The following MYO18B variants were observed in gnomAD, a reference collection of about 807,000 sequenced individuals.
MYO18B encodes the protein myosin XVIIIB.
In MYO18B, 204 loss-of-function variants were observed where a neutral mutation model predicts 273.0. The observed-to-expected ratio is 0.75, with a 90% confidence interval of 0.67 to 0.84. The LOEUF is 0.84. MYO18B is among the 40% of genes least tolerant of loss of function. The pLI is 0.00. For missense variants in MYO18B, 3,212 were observed against 3,287.6 expected (o/e 0.98, Z 0.56); for synonymous variants, 1,330 against 1,305.7 (o/e 1.02, Z -0.40).
At chr22:26,000,837 C>T (rs555112621) in intron 40 of MYO18B, among the ~76,000 whole-genome samples, 49 of 152,228 alleles carry the variant, frequency 3.2e-4, no homozygotes, top group African/African-American at 1.1e-3. Flanking sequence ...ACAAACAGAC[C>T]AGCTGGTGGG....
chr22:25,792,136 C>T (rs2087688939), intron 11 of MYO18B, among the ~76,000 whole-genome samples: 1 of 152,190 alleles, frequency 6.6e-6, no homozygotes, highest in African/African-American at 2.4e-5. Flanking sequence ...TTGGATGACA[C>T]CAAGGATTGG....
chr22:25,913,569 C>T (rs1049716092), intron 33 of MYO18B, among the ~76,000 whole-genome samples: 7 of 152,148 alleles, frequency 4.6e-5, no homozygotes, highest in Non-Finnish European at 8.8e-5. Flanking sequence ...ACAGTTTCAC[C>T]GTGTTAGCCA....
Position 25,792,498 on chromosome 22 carries a change from T to TTTTTC in MYO18B, c.2377-5451_2377-5450insCTTTT, listed in dbSNP as rs1555893173. ...TGATGTTTCTTTTTTTTTTCTTTTC[T>TTTTTC]TTTTTTTTTTTTTTTGAGACAGAGT... On this transcript the variant is annotated intron_variant, in intron 11 of 43. Coordinates refer to ENST00000335473, the MANE Select transcript of MYO18B (RefSeq NM_032608.7). Among the ~76,000 whole-genome samples, 73 of 17,626 alleles carry TTTTTC rather than the reference T, an allele frequency of 4.1e-3. 1 individual carries two copies. Among genetic ancestry groups the TTTTTC allele is most frequent in the African/African-American group, 7.3e-3 (66 of 9,080 alleles). The allele number at this position is 17,626 out of a possible 152,430, so 11.6% of individuals were successfully genotyped here.
intron 35 of MYO18B, among the ~76,000 whole-genome samples, chr22:25,946,649 C>T (rs2092716039): frequency 6.6e-6 from 1 of 152,166 alleles, no homozygotes. Context: ...TTGCTCAGTA[C>T]CCAATGTGGA....
Position 25,781,825 on chromosome 22 carries a change from TG to T in MYO18B, c.2305del (p.Asp769IlefsTer6). ...VFSQMLAGLD[L>X]DLRTELNLHQ... ...TCCCAGATGCTGGCTGGATTGGACT[TG>T]GATCTCAGGTGAGCACTTGGGGCAG... is the stretch of plus-strand genomic sequence containing the variant. On this transcript the variant is annotated frameshift_variant, in exon 10 of 44. Coordinates refer to ENST00000335473, the MANE Select transcript of MYO18B (RefSeq NM_032608.7). LOFTEE classifies it high-confidence loss of function. 6.3e-7 allele frequency: 1 copy of T among 1,578,626 alleles called. No homozygotes were observed. The highest frequency in any genetic ancestry group is 8.6e-7 in the Non-Finnish European group (1 of 1,164,240).
chr22:25,931,082 C>T (rs1284312344), intron 34 of MYO18B, among the ~76,000 whole-genome samples: 1 of 152,096 alleles, frequency 6.6e-6, no homozygotes, highest in Admixed American at 6.5e-5. Context: ...AACATTTTTC[C>T]CCAGCCAGGA....
rs189912425 is a variant in MYO18B, at chr22:25,763,702, A to G, written c.198+313A>G. Reference sequence around the variant, plus strand: ...TGACTTATTTGACTAGAAATTCCTTAAGAGCAACAATGATTTCTCTCATTC... The same window carrying G: ...TGACTTATTTGACTAGAAATTCCTTGAGAGCAACAATGATTTCTCTCATTC... On this transcript the variant is annotated intron_variant, in intron 3 of 43. Coordinates refer to ENST00000335473, the MANE Select transcript of MYO18B (RefSeq NM_032608.7). Among the ~76,000 whole-genome samples the G allele has an allele frequency of 1.9e-3, 288 of 152,320 alleles. 3 individuals carry two copies. Among genetic ancestry groups the G allele is most frequent in the Middle Eastern group, 3.4e-3 (1 of 294 alleles).
chr22:25,803,967 A>AACACACACACACACACACACACAC (rs151023852), intron 12 of MYO18B, among the ~76,000 whole-genome samples: 1 of 136,882 alleles, frequency 7.3e-6, no homozygotes, highest in Non-Finnish European at 1.6e-5. Flanking sequence ...TGACCCAGTG[A>AACACACACACACACACACACACAC]ACACACACAC....
chr22:25,818,711 G>T (rs1447394743), intron 12 of MYO18B, among the ~76,000 whole-genome samples: 1 of 152,178 alleles, frequency 6.6e-6, no homozygotes, highest in Non-Finnish European at 1.5e-5. Context: ...AGCAGGACAG[G>T]ATAATCCCTT....
intron 34 of MYO18B, among the ~76,000 whole-genome samples, chr22:25,940,145 A>G (rs938287703): frequency 1.3e-5 from 2 of 152,306 alleles, no homozygotes; most frequent in African/African-American, 4.8e-5. Context: ...TGGTTTGGCT[A>G]TGTTCCCACA....
intron 39 of MYO18B, among the ~76,000 whole-genome samples, chr22:25,975,625 A>T (rs1347820360): frequency 6.6e-6 from 1 of 152,260 alleles, no homozygotes; most frequent in Non-Finnish European, 1.5e-5. Context: ...GCTAGGAAAG[A>T]TTGACACCAA....
At chr22:25,806,713 CAT>C (rs2088496753) in intron 12 of MYO18B, among the ~76,000 whole-genome samples, 1 of 152,248 alleles carries the variant, frequency 6.6e-6, no homozygotes, top group East Asian at 1.9e-4. Context: ...CCTGTGGAAC[CAT>C]TAGCTGGTGC....
the MYO18B span, among the ~76,000 whole-genome samples, chr22:26,059,337 G>A: frequency 1.3e-5 from 2 of 152,248 alleles, no homozygotes; most frequent in African/African-American, 4.8e-5. Context: ...CAAATGTGGA[G>A]TGAATGAGAC....
intron 33 of MYO18B, among the ~76,000 whole-genome samples, chr22:25,917,550 G>GTGTGT (rs2092280513): frequency 6.7e-6 from 1 of 148,368 alleles, no homozygotes; most frequent in Admixed American, 6.7e-5. Flanking sequence ...GTAGGGGTGT[G>GTGTGT]TGTGTGTGTG....
At position 25,777,563 on chromosome 22, in the gene MYO18B, T is replaced by C. The variant is rs1246310056; in HGVS notation, c.1870-20T>C. The C allele has an allele frequency of 2.6e-6, 4 of 1,567,282 alleles. No individual in the cohort carries two copies. Among genetic ancestry groups the C allele is most frequent in the Non-Finnish European group, 3.5e-6 (4 of 1,157,776 alleles). On this transcript the variant is annotated intron_variant, in intron 7 of 43. Transcript: ENST00000335473. ...GGCAGTGGCTGGATGGGATGGCTGA[T>C]ACCTGTGATCTTCCTGCAGGTGCCC...
At chr22:25,783,887 A>G (rs916179068) in intron 10 of MYO18B, among the ~76,000 whole-genome samples, 4 of 152,172 alleles carry the variant, frequency 2.6e-5, no homozygotes, top group Admixed American at 2.6e-4. Flanking sequence ...CTGAAGCCTC[A>G]TTGGTGATCC....
chr22:25,891,154 G>C, intron 26 of MYO18B, 150 bp from the exon 27 acceptor site: 1 of 710,442 alleles, frequency 1.4e-6, no homozygotes, highest in East Asian at 2.7e-5. Flanking sequence ...GAAATATGCC[G>C]AAGGTGGCTA....
Position 25,763,996 on chromosome 22 carries a change from C to A in MYO18B, c.198+607C>A, listed in dbSNP as rs150437207. 4.0e-4 allele frequency among the ~76,000 whole-genome samples: 61 copies of A among 152,272 alleles called. 2 individuals are homozygous for A. The East Asian group carries it at 0.011, about 27-fold the overall frequency. On this transcript the variant is annotated intron_variant, in intron 3 of 43. Transcript: ENST00000335473. ...CATACCAGGTGGTAAATGGTTGTAA[C>A]CCTTGGCCCCCCAAGTGCCCTCAGC...
intron 14 of MYO18B, among the ~76,000 whole-genome samples, chr22:25,826,902 AT>A (rs1376181216): frequency 6.6e-6 from 1 of 152,114 alleles, no homozygotes; most frequent in Non-Finnish European, 1.5e-5. Context: ...TCTACTAAAA[AT>A]TACAAAAATT....
Sources: gnomAD v4.1 joint callset for allele counts (sites outside exome capture counted in the v4.1 genomes callset) on GRCh38, gnomAD v4.1.1 for gene constraint, MANE v1.5 for transcripts, NCBI Gene and HGNC (gene_info 2026-07-23, HGNC 2026-07-21) for gene names.